The following HS6ST3 variants were observed in gnomAD, a reference collection of about 807,000 sequenced individuals.
HS6ST3 encodes heparan-sulfate 6-O-sulfotransferase 3.
In HS6ST3, 12 loss-of-function variants were observed where a neutral mutation model predicts 36.7. The observed-to-expected ratio is 0.33, with a 90% CI of 0.21 to 0.53. HS6ST3 has a LOEUF of 0.53. Ranked by LOEUF, HS6ST3 falls within the 20% of genes least tolerant of loss-of-function variation. The pLI is 0.95. For synonymous variants in HS6ST3, 240 were observed against 257.5 expected (o/e 0.93, Z 0.65); for missense variants, 584 against 640.9 (o/e 0.91, Z 0.96).
intron 1 of HS6ST3, among the ~76,000 whole-genome samples, chr13:96,380,415 G>A (rs965685501): frequency 2.6e-5 from 4 of 151,798 alleles, no homozygotes; most frequent in Admixed American, 1.3e-4. Flanking sequence ...ACAGGTGCCC[G>A]CCACCATGCC....
At chr13:96,679,837 G>A (rs1420825490) in intron 1 of HS6ST3, among the ~76,000 whole-genome samples, 1 of 152,112 alleles carries the variant, frequency 6.6e-6, no homozygotes. Context: ...GTATGTGCTG[G>A]GGTCCAACAA....
chr13:96,747,931 T>C (rs2138489851), intron 1 of HS6ST3, among the ~76,000 whole-genome samples: 1 of 152,226 alleles, frequency 6.6e-6, no homozygotes. Flanking sequence ...AGGCATTTTA[T>C]TGCAAGTGTC....
chr13:96,418,493 T>C (rs2055545866), intron 1 of HS6ST3, among the ~76,000 whole-genome samples: 1 of 152,332 alleles, frequency 6.6e-6, no homozygotes, highest in Non-Finnish European at 1.5e-5. Flanking sequence ...ATCCAAAGCC[T>C]GGAAATGGCA....
chr13:96,118,056 G>C (rs539261), intron 1 of HS6ST3, among the ~76,000 whole-genome samples: 2 of 152,014 alleles, frequency 1.3e-5, no homozygotes, highest in African/African-American at 4.8e-5. Flanking sequence ...TTTTTAAGTA[G>C]AGATGGGGTT....
intron 1 of HS6ST3, among the ~76,000 whole-genome samples, chr13:96,442,315 A>G (rs1229752636): frequency 6.6e-6 from 1 of 152,204 alleles, no homozygotes. Context: ...CCCGTGGCTG[A>G]AAATATCATT....
At chr13:96,471,558 C>G (rs1182448120) in intron 1 of HS6ST3, among the ~76,000 whole-genome samples, 1 of 152,146 alleles carries the variant, frequency 6.6e-6, no homozygotes, top group Non-Finnish European at 1.5e-5. Context: ...CAGCTGTCTT[C>G]CAGGATTCTC....
At chr13:96,506,233 A>ACTTTT (rs2056025876) in intron 1 of HS6ST3, among the ~76,000 whole-genome samples, 1 of 152,164 alleles carries the variant, frequency 6.6e-6, no homozygotes, top group Admixed American at 6.6e-5. Context: ...CTTTTCTTCC[A>ACTTTT]AAAACTCTCA....
Position 96,414,451 on chromosome 13 carries a change from A to G in HS6ST3, c.707+322882A>G, listed in dbSNP as rs1319843024. On this transcript the variant is annotated intron_variant, in intron 1 of 1. Transcript: ENST00000376705. ...TATTAGCTAGGTTTGTGTGATATCA[A>G]CTTCAACCCAAATTTCTTGATTCGT... 1.3e-5 allele frequency among the ~76,000 whole-genome samples: 2 copies of G among 152,154 alleles called. 1 individual carries two copies.
At chr13:96,728,926 A>G (rs528458736) in intron 1 of HS6ST3, among the ~76,000 whole-genome samples, 60 of 152,320 alleles carry the variant, frequency 3.9e-4, no homozygotes, top group Middle Eastern at 3.4e-3. Context: ...TGGAAGAGCC[A>G]GAAGTTTGCT....
intron 1 of HS6ST3, among the ~76,000 whole-genome samples, chr13:96,443,984 C>G (rs1289104690): frequency 6.6e-6 from 1 of 152,158 alleles, no homozygotes; most frequent in African/African-American, 2.4e-5. Flanking sequence ...TGTACATATT[C>G]ACATACACAA....
chr13:96,598,398 G>A (rs2056409705), intron 1 of HS6ST3, among the ~76,000 whole-genome samples: 1 of 151,992 alleles, frequency 6.6e-6, no homozygotes, highest in Non-Finnish European at 1.5e-5. Context: ...TTCTTGGTTA[G>A]ATATATTCCT....
chr13:96,644,382 ATTCTC>A (rs1266207793), intron 1 of HS6ST3, among the ~76,000 whole-genome samples: 2 of 152,054 alleles, frequency 1.3e-5, no homozygotes, highest in African/African-American at 4.8e-5. Context: ...ACATATTCCT[ATTCTC>A]TTAAAGGTAT....
intron 1 of HS6ST3, among the ~76,000 whole-genome samples, chr13:96,346,973 C>G (rs916214131): frequency 6.6e-6 from 1 of 152,082 alleles, no homozygotes; most frequent in African/African-American, 2.4e-5. Context: ...GTCCCCATGG[C>G]AAATAATGGA....
intron 1 of HS6ST3, among the ~76,000 whole-genome samples, chr13:96,395,911 A>G (rs972243638): frequency 1.3e-5 from 2 of 152,110 alleles, no homozygotes; most frequent in African/African-American, 4.8e-5. Context: ...GGTAAGAAAG[A>G]GGTGGAAGAA....
chr13:96,153,743 A>G (rs969923881), intron 1 of HS6ST3, among the ~76,000 whole-genome samples: 4 of 152,254 alleles, frequency 2.6e-5, no homozygotes, highest in Non-Finnish European at 5.9e-5. Context: ...TACATAGGCT[A>G]AACTTTAAAA....
intron 1 of HS6ST3, among the ~76,000 whole-genome samples, chr13:96,118,271 T>C (rs188394497): frequency 2.2e-3 from 332 of 152,220 alleles, no homozygotes; most frequent in African/African-American, 7.5e-3. Flanking sequence ...GGTGTCCTTA[T>C]AAGAAGTAGA....
intron 1 of HS6ST3, among the ~76,000 whole-genome samples, chr13:96,552,136 C>T (rs1160864217): frequency 1.3e-5 from 2 of 152,124 alleles, no homozygotes; most frequent in African/African-American, 4.8e-5. Context: ...GGTTTTGGAG[C>T]AATTCAGTGT....
chr13:96,724,819 T>C (rs1434355938), intron 1 of HS6ST3, among the ~76,000 whole-genome samples: 1 of 152,198 alleles, frequency 6.6e-6, no homozygotes, highest in Non-Finnish European at 1.5e-5. Flanking sequence ...ATAAATAAAG[T>C]GGCTAAGAAC....
At chr13:96,656,998 T>TGTGTGAGAGAGA (rs1397374817) in intron 1 of HS6ST3, among the ~76,000 whole-genome samples, 10 of 98,276 alleles carry the variant, frequency 1.0e-4, no homozygotes, top group African/African-American at 3.9e-4. Flanking sequence ...TGTGTGTGTG[T>TGTGTGAGAGAGA]GAGAGAGAGA....
Sources: gnomAD v4.1 joint callset for allele counts (sites outside exome capture counted in the v4.1 genomes callset) on GRCh38, gnomAD v4.1.1 for gene constraint, MANE v1.5 for transcripts, NCBI Gene and HGNC (gene_info 2026-07-23, HGNC 2026-07-21) for gene names.